Variants in MEIS2 observed in about 807,000 individuals in gnomAD.
MEIS2 encodes the protein homeobox protein Meis2.
MEIS2 carries 9 observed loss-of-function variants against 58.6 expected under a neutral mutation model. The ratio of observed to expected loss-of-function variants is 0.15; its 90% CI spans 0.09 to 0.27. The LOEUF (loss-of-function observed/expected upper bound fraction) is 0.27. Among genes scored for constraint, MEIS2 ranks in the 10% least tolerant of loss-of-function variants. MEIS2 has a pLI of 1.00. For synonymous variants in MEIS2, 221 were observed against 228.4 expected (o/e 0.97, Z 0.29); for missense variants, 427 against 635.0 (o/e 0.67, Z 3.52).
chr15:37,010,585 T>C (rs6495886), intron 8 of MEIS2, among the ~76,000 whole-genome samples: 151,900 of 152,230 alleles, frequency 1, 75,786 homozygotes, highest in Middle Eastern at 1. Context: ...ACCATATTGC[T>C]CAGGCTGGCC....
intron 7 of MEIS2, among the ~76,000 whole-genome samples, chr15:37,044,956 G>T (rs2062600897): frequency 6.6e-6 from 1 of 152,190 alleles, no homozygotes; most frequent in Non-Finnish European, 1.5e-5. Flanking sequence ...GAACAAATCT[G>T]CTTTGAAGAA....
intron 9 of MEIS2, among the ~76,000 whole-genome samples, chr15:36,920,250 A>G (rs1011197141): frequency 6.6e-6 from 1 of 152,220 alleles, no homozygotes; most frequent in East Asian, 1.9e-4. Flanking sequence ...CCCGGGTTCA[A>G]GCGATTCTCC....
At chr15:37,048,034 C>T (rs776644666) in intron 7 of MEIS2, among the ~76,000 whole-genome samples, 1 of 152,030 alleles carries the variant, frequency 6.6e-6, no homozygotes, top group African/African-American at 2.4e-5. Context: ...CTATTTTTAG[C>T]GTTGTGAAGT....
intron 8 of MEIS2, among the ~76,000 whole-genome samples, chr15:37,031,691 G>C (rs1265095292): frequency 6.6e-6 from 1 of 152,032 alleles, no homozygotes; most frequent in East Asian, 1.9e-4. Flanking sequence ...TGAGAGGTGG[G>C]CTTCACCCCT....
chr15:36,973,288 C>T lies in MEIS2; in HGVS notation c.901-22888G>A, dbSNP rs185069515. The stretch of plus-strand genomic sequence containing the variant: ...AGAGTTTTGCAGAGTGGCCAAGTCA[C>T]AAAAGGGCTCTTCAAAGGCTTCTAC... On this transcript the variant is annotated intron_variant, in intron 8 of 11. Transcript: ENST00000561208. 1.8e-3 allele frequency among the ~76,000 whole-genome samples: 280 copies of T among 152,274 alleles called. 1 individual carries two copies. The highest frequency in any genetic ancestry group is 6.5e-3 in the African/African-American group (271 of 41,558).
At chr15:37,028,246 A>G (rs2061777426) in intron 8 of MEIS2, among the ~76,000 whole-genome samples, 1 of 152,178 alleles carries the variant, frequency 6.6e-6, no homozygotes, top group Non-Finnish European at 1.5e-5. Context: ...TGCATTGAGG[A>G]GACTATGCAT....
At chr15:37,074,618 C>A (rs995567907) in intron 7 of MEIS2, among the ~76,000 whole-genome samples, 1 of 151,818 alleles carries the variant, frequency 6.6e-6, no homozygotes, top group Non-Finnish European at 1.5e-5. Flanking sequence ...CAGCATAGGA[C>A]AAAGGGAAGA....
chr15:36,928,481 C>T (rs1351325137), intron 9 of MEIS2, among the ~76,000 whole-genome samples: 3 of 152,182 alleles, frequency 2.0e-5, no homozygotes, highest in Non-Finnish European at 4.4e-5. Flanking sequence ...AGGCCAGATG[C>T]AAACTCACAT....
rs773010064 is a variant in MEIS2 at position 36,950,452 on chromosome 15, CACTT to C, written c.901-56_901-53del. On this transcript the variant is annotated intron_variant, in intron 8 of 11. Coordinates refer to ENST00000561208, the MANE Select transcript of MEIS2 (RefSeq NM_170675.5). ...GATGGATCAGAAGTTAAGAAAGAGT[CACTT>C]ACTTCTAAGAATAAAACCACCGTTG... 7 of 1,531,522 alleles carry C rather than the reference CACTT, an allele frequency of 4.6e-6. No individual in the cohort carries two copies. In the South Asian group the frequency reaches 5.7e-5, roughly 12 times the overall value. 94.9% of individuals were successfully genotyped at this position (1,531,522 alleles called of 1,614,324 possible).
intron 8 of MEIS2, among the ~76,000 whole-genome samples, chr15:37,014,737 G>A (rs2061284897): frequency 6.6e-6 from 1 of 152,020 alleles, no homozygotes; most frequent in Non-Finnish European, 1.5e-5. Context: ...GTCTCCAACT[G>A]TCACTAGGTA....
Position 37,083,869 on chromosome 15 carries a change from C to T in MEIS2, c.656G>A (p.Arg219Gln), listed in dbSNP as rs1567275949. The T allele has an allele frequency of 2.5e-6, 4 of 1,613,634 alleles. No homozygotes were observed. The highest frequency in any genetic ancestry group is 2.2e-5 in the East Asian group (1 of 44,834). ...GGTTGAGGTTGCATCATCGTGGTCT[C>T]GCCAAGAAGAAGGGTTCTGATGTCA... ...NLADHNPSSW[R>Q]DHDDATSTHS... Residue 219 changes from arginine to glutamine, a missense_variant, in exon 7 of 12, where the codon CGA (arginine) becomes CAA (glutamine). Arg to Gln is a conservative substitution (Grantham distance 43). This residue lies in a region of MEIS2 where 138 missense variants were observed against 263.0 expected (regional missense o/e 0.52). Transcript: ENST00000561208.
chr15:37,094,901 A>T (rs531565026), intron 4 of MEIS2: 2 of 168,880 alleles, frequency 1.2e-5, no homozygotes, highest in Non-Finnish European at 2.4e-5. Flanking sequence ...CTCTTTAAAC[A>T]TCCCCTCCCT....
chr15:37,078,606 A>AAAAAAAAAAAAAAAAAAAAAAAAAC (rs1891760382), intron 7 of MEIS2, among the ~76,000 whole-genome samples: 1 of 856 alleles, frequency 1.2e-3, no homozygotes, highest in Non-Finnish European at 5.2e-3. Flanking sequence ...AAAAACAACC[A>AAAAAAAAAAAAAAAAAAAAAAAAAC]AAAAAAAAAA....
In MEIS2 at chr15:36,927,605, C is replaced by T. The variant is rs540076631; in HGVS notation, c.977+22719G>A. ...TGTTGCTTCTCTCACAGCATCTTGA[C>T]GTTAACACCTTTTTCTTTTTTTAAA... On this transcript the variant is annotated intron_variant, in intron 9 of 11. Coordinates refer to ENST00000561208, the MANE Select transcript of MEIS2 (RefSeq NM_170675.5). Among the ~76,000 whole-genome samples, 6 of 151,102 alleles carry T rather than the reference C, an allele frequency of 4.0e-5. 1 individual carries two copies. The highest frequency in any genetic ancestry group is 7.4e-5 in the African/African-American group (3 of 40,628).
intron 8 of MEIS2, among the ~76,000 whole-genome samples, chr15:36,963,654 C>G (rs1156271969): frequency 6.6e-6 from 1 of 152,192 alleles, no homozygotes. Context: ...CATACTACTA[C>G]AAGGAATGAA....
intron 9 of MEIS2, among the ~76,000 whole-genome samples, chr15:36,908,894 G>A (rs900576545): frequency 6.6e-6 from 1 of 151,984 alleles, no homozygotes; most frequent in South Asian, 2.1e-4. Context: ...AGCCGAGATG[G>A]CGCCATTGCA....
chr15:36,900,193 T>C (rs1427563214), intron 9 of MEIS2, among the ~76,000 whole-genome samples: 1 of 152,216 alleles, frequency 6.6e-6, no homozygotes, highest in African/African-American at 2.4e-5. Flanking sequence ...CATTCTGAGT[T>C]TTTTTACAAC....
At chr15:36,997,059 G>A (rs1341516757) in intron 8 of MEIS2, among the ~76,000 whole-genome samples, 1 of 152,188 alleles carries the variant, frequency 6.6e-6, no homozygotes, top group African/African-American at 2.4e-5. Flanking sequence ...AAAAAGCATT[G>A]TATAGGAATA....
rs994670008 is a variant in MEIS2, at chr15:37,099,347, A to G, written c.12+108T>C. 1.1e-5 allele frequency: 17 copies of G among 1,569,388 alleles called. No individual in the cohort carries two copies. In the African/African-American group the frequency reaches 1.8e-4, roughly 17 times the overall value. ...ATTTTTTAAAATACTGGCCGCCATC[A>G]TCAAGCAGCGAGCAGCAGCAGAAGC... On this transcript the variant is annotated intron_variant, in intron 1 of 11. Coordinates refer to ENST00000561208, the MANE Select transcript of MEIS2 (RefSeq NM_170675.5).
Sources: allele counts gnomAD v4.1 joint callset (sites outside exome capture counted in the v4.1 genomes callset), GRCh38; gene constraint gnomAD v4.1.1; regional missense constraint gnomAD v4.1.1; transcripts MANE v1.5; gene names NCBI Gene and HGNC (gene_info 2026-07-23, HGNC 2026-07-21).